Variants in EIF3L observed in about 807,000 individuals in gnomAD.
EIF3L encodes eukaryotic translation initiation factor 3 subunit L, also known as eIEF associated protein HSPC021.
A neutral mutation model predicts 74.6 loss-of-function variants in EIF3L; 32 were observed. The observed-to-expected ratio is 0.43, with a 90% CI of 0.32 to 0.58. The LOEUF (loss-of-function observed/expected upper bound fraction) is 0.58, where lower values mean the gene tolerates loss of function less well. Ranked by LOEUF, EIF3L falls within the 20% of genes least tolerant of loss-of-function variation. The pLI, the probability that EIF3L is intolerant of heterozygous loss-of-function variation, is 0.06. For synonymous variants in EIF3L, 256 were observed against 254.4 expected (o/e 1.01, Z -0.06); for missense variants, 474 against 707.8 (o/e 0.67, Z 3.75).
At chr22:37,851,223 G>A (rs983106021) in intron 2 of EIF3L, 57 bp from the exon 3 acceptor site, 13 of 1,510,160 alleles carry the variant, frequency 8.6e-6, no homozygotes, top group African/African-American at 5.5e-5. Flanking sequence ...TTGCCATTTC[G>A]TTCTATCATA....
intron 3 of EIF3L, among the ~76,000 whole-genome samples, chr22:37,852,958 G>A (rs973560360): frequency 2.6e-5 from 4 of 152,154 alleles, no homozygotes; most frequent in Non-Finnish European, 5.9e-5. Context: ...TCCAAGTCAT[G>A]CGGCACCAAA....
At chr22:37,862,817 C>A (rs1369967179) in intron 5 of EIF3L, 152 bp from the exon 6 acceptor site, 3 of 594,220 alleles carry the variant, frequency 5.0e-6, no homozygotes, top group Admixed American at 3.5e-5. Flanking sequence ...ATAGGACTTT[C>A]TATCTTCCCT....
intron 5 of EIF3L, among the ~76,000 whole-genome samples, chr22:37,859,600 T>A (rs1462795165): frequency 6.6e-6 from 1 of 151,554 alleles, no homozygotes; most frequent in Non-Finnish European, 1.5e-5. Flanking sequence ...GCCAGGATGG[T>A]CTCCATCTCC....
intron 11 of EIF3L, chr22:37,883,580 CAAAA>C (rs139848): frequency 6.7e-6 from 1 of 148,190 alleles, no homozygotes; most frequent in Admixed American, 6.8e-5. Context: ...GACTCCATCT[CAAAA>C]AAAAAAATTG....
chr22:37,859,344 G>A (rs1290961318), intron 5 of EIF3L, among the ~76,000 whole-genome samples: 18 of 138,340 alleles, frequency 1.3e-4, no homozygotes, highest in Non-Finnish European at 2.4e-4. Context: ...TGTTCTTCCC[G>A]ACTTCTAAAT....
At chr22:37,868,061 T>G (rs1385197667) in intron 7 of EIF3L, among the ~76,000 whole-genome samples, 1 of 151,794 alleles carries the variant, frequency 6.6e-6, no homozygotes, top group Non-Finnish European at 1.5e-5. Flanking sequence ...TCTTTGCCTG[T>G]TTTCTATTTG....
intron 10 of EIF3L, 130 bp from the exon 11 acceptor site, chr22:37,877,544 G>T (rs1415486271): frequency 7.0e-6 from 8 of 1,141,082 alleles, no homozygotes; most frequent in Non-Finnish European, 1.0e-5. Context: ...TGTTGGGGAA[G>T]TTCAATGGCT....
At chr22:37,880,165 T>C (rs1926973683) in intron 11 of EIF3L, 1 of 151,894 alleles carries the variant, frequency 6.6e-6, no homozygotes. Context: ...TAGGCTGGAG[T>C]GCAGTGGCGC....
At chr22:37,870,146 C>T (rs199616000) in intron 7 of EIF3L, 30 bp from the exon 8 acceptor site, 131 of 1,565,980 alleles carry the variant, frequency 8.4e-5, no homozygotes, top group Non-Finnish European at 1.1e-4. Context: ...GCTTATACCA[C>T]TACTGCATGT....
At chr22:37,867,898 A>G (rs1453244921) in intron 7 of EIF3L, among the ~76,000 whole-genome samples, 44 of 148,364 alleles carry the variant, frequency 3.0e-4, no homozygotes, top group Non-Finnish European at 5.8e-4. Flanking sequence ...GAGCTTGCAG[A>G]GAGCCGAGAT....
At chr22:37,867,954 C>CA (rs540704187) in intron 7 of EIF3L, among the ~76,000 whole-genome samples, 1,536 of 60,268 alleles carry the variant, frequency 0.025, 10 homozygotes, top group African/African-American at 0.041. Flanking sequence ...GACTCCATCT[C>CA]AAAAAAAAAA....
At chr22:37,883,814 T>A (rs1927183635) in intron 11 of EIF3L, 1 of 152,102 alleles carries the variant, frequency 6.6e-6, no homozygotes, top group African/African-American at 2.4e-5. Flanking sequence ...CTTGGGAGGC[T>A]GAGGCACAAG....
intron 7 of EIF3L, among the ~76,000 whole-genome samples, chr22:37,865,846 C>G (rs371798501): frequency 6.6e-6 from 1 of 152,154 alleles, no homozygotes; most frequent in African/African-American, 2.4e-5. Context: ...AAGGATCATC[C>G]GTGCTGATTT....
chr22:37,869,850 C>A (rs771003806), intron 7 of EIF3L, among the ~76,000 whole-genome samples: 6 of 152,126 alleles, frequency 3.9e-5, no homozygotes, highest in Non-Finnish European at 8.8e-5. Context: ...GTGGCCCGGT[C>A]AACTGCATTG....
At chr22:37,872,270 A>G (rs147932087) in intron 8 of EIF3L, among the ~76,000 whole-genome samples, 4 of 152,186 alleles carry the variant, frequency 2.6e-5, no homozygotes, top group East Asian at 3.9e-4. Context: ...GATTACAGGC[A>G]CACGCCACCA....
chr22:37,888,257 G>A (rs1423050284), intron 12 of EIF3L, 169 bp from the exon 13 acceptor site: 6 of 648,958 alleles, frequency 9.2e-6, no homozygotes, highest in Admixed American at 2.6e-5. Flanking sequence ...AACTGTGCAG[G>A]GCCATATGAA....
At chr22:37,849,948 ACT>A (rs902412180) in intron 1 of EIF3L, 65 bp from the exon 2 acceptor site, 44 of 1,568,048 alleles carry the variant, frequency 2.8e-5, no homozygotes, top group Non-Finnish European at 3.8e-5. Context: ...TGGCATCTAG[ACT>A]CTAGGATGAG....
intron 4 of EIF3L, among the ~76,000 whole-genome samples, chr22:37,856,615 C>T (rs967398186): frequency 9.2e-5 from 14 of 151,540 alleles, no homozygotes; most frequent in African/African-American, 3.1e-4. Context: ...GAGGCCGAGG[C>T]GGGTGGATCA....
chr22:37,858,351 A>C (rs987470526), intron 4 of EIF3L, among the ~76,000 whole-genome samples: 1 of 147,158 alleles, frequency 6.8e-6, no homozygotes, highest in African/African-American at 2.5e-5. Context: ...TAGCCTGCCG[A>C]GTAGCTGGGA....
Sources: allele counts gnomAD v4.1 joint callset (sites outside exome capture counted in the v4.1 genomes callset), GRCh38; gene constraint gnomAD v4.1.1; transcripts MANE v1.5; gene names NCBI Gene and HGNC (gene_info 2026-07-23, HGNC 2026-07-21).